The following NEDD9 variants were observed in gnomAD, a reference collection of about 807,000 sequenced individuals.
The protein encoded by NEDD9 is neural precursor cell expressed, developmentally down-regulated 9.
A neutral mutation model predicts 76.6 loss-of-function variants in NEDD9; 26 were observed. The observed-to-expected ratio is 0.34, with a 90% CI of 0.25 to 0.47. NEDD9 has a LOEUF of 0.47. Ranked by LOEUF, NEDD9 falls within the 20% of genes least tolerant of loss-of-function variation. The pLI is 1.00. For missense variants in NEDD9, 937 were observed against 1,058.5 expected, an observed-to-expected ratio of 0.89 and a Z score of 1.59; for synonymous variants, 392 against 414.2, an observed-to-expected ratio of 0.95 and a Z score of 0.65.
intron 1 of NEDD9, among the ~76,000 whole-genome samples, chr6:11,379,308 C>A (rs1763022240): frequency 6.6e-6 from 1 of 152,172 alleles, no homozygotes; most frequent in African/African-American, 2.4e-5. Flanking sequence ...CACTTTTGGG[C>A]CGGGCGCAGT....
intron 1 of NEDD9, among the ~76,000 whole-genome samples, chr6:11,231,766 C>A (rs1017324562): frequency 6.6e-6 from 1 of 152,134 alleles, no homozygotes; most frequent in Non-Finnish European, 1.5e-5. Flanking sequence ...CAAGAAAAAT[C>A]CACAAACAAT....
intron 2 of NEDD9, among the ~76,000 whole-genome samples, chr6:11,203,907 T>C (rs372376842): frequency 6.6e-6 from 1 of 151,340 alleles, no homozygotes; most frequent in Non-Finnish European, 1.5e-5. Context: ...AAAGGAAGAG[T>C]AGGAAAGATT....
At chr6:11,309,413 A>T (rs1468575293) in intron 2 of NEDD9, among the ~76,000 whole-genome samples, 2 of 152,140 alleles carry the variant, frequency 1.3e-5, no homozygotes, top group African/African-American at 4.8e-5. Flanking sequence ...TTGCTGGATG[A>T]TAGGTTTCCC....
At chr6:11,279,513 G>T (rs1760488030) in intron 3 of NEDD9, among the ~76,000 whole-genome samples, 1 of 152,198 alleles carries the variant, frequency 6.6e-6, no homozygotes, top group African/African-American at 2.4e-5. Context: ...GGTTGTTATT[G>T]TTGGTTGTTC....
chr6:11,356,823 C>G (rs184692483), intron 1 of NEDD9, among the ~76,000 whole-genome samples: 1 of 149,078 alleles, frequency 6.7e-6, no homozygotes, highest in Non-Finnish European at 1.5e-5. Flanking sequence ...AATGACGTGA[C>G]CTTTCAACCA....
intron 1 of NEDD9, among the ~76,000 whole-genome samples, chr6:11,371,220 C>T (rs1032611368): frequency 2.0e-5 from 3 of 152,198 alleles, no homozygotes; most frequent in Admixed American, 1.3e-4. Context: ...CCACTGTCGA[C>T]CTCCCTCCAC....
intron 2 of NEDD9, among the ~76,000 whole-genome samples, chr6:11,204,735 A>G (rs1018893833): frequency 1.5e-5 from 2 of 135,336 alleles, no homozygotes; most frequent in South Asian, 2.3e-4. Flanking sequence ...AAAAAAAAAA[A>G]AAGAAAGAAA....
intron 1 of NEDD9, among the ~76,000 whole-genome samples, chr6:11,217,635 A>G (rs1758995174): frequency 6.6e-6 from 1 of 152,050 alleles, no homozygotes; most frequent in South Asian, 2.1e-4. Flanking sequence ...TTTACAAAAG[A>G]AAAAAATGAG....
At position 11,190,117 on chromosome 6, in the gene NEDD9, G is replaced by A. The variant is rs201358869; in HGVS notation, c.1752C>T (p.Ser584=). 6.2e-7 allele frequency: 1 copy of A among 1,612,660 alleles called. No individual in the cohort carries two copies. The highest frequency in any genetic ancestry group is 1.1e-5 in the South Asian group (1 of 90,976). ...CACCAGGATGCAGCAGCTGTCCCTG[G>A]GAGCCACCGTGTGGGTACTCCGTTG... ...MNSTEYPHGG[S]QGQLLHPGDH... is the part of the protein sequence containing the mutation. Residue 584 remains serine (S), a synonymous_variant, in exon 5 of 7, where the codon TCC becomes TCT. Coordinates refer to ENST00000379446, the MANE Select transcript of NEDD9 (RefSeq NM_006403.4). This position sits in a 1 kb window ranked among gnomAD's most constrained non-coding sequence, Gnocchi z 5.8.
At chr6:11,318,570 T>G (rs1299570363) in intron 2 of NEDD9, among the ~76,000 whole-genome samples, 1 of 152,214 alleles carries the variant, frequency 6.6e-6, no homozygotes, top group African/African-American at 2.4e-5. Context: ...TAGCTTGGCT[T>G]GTTTTCTTGT....
At chr6:11,217,857 C>G (rs137964993) in intron 1 of NEDD9, among the ~76,000 whole-genome samples, 2 of 152,356 alleles carry the variant, frequency 1.3e-5, no homozygotes, top group Non-Finnish European at 2.9e-5. Context: ...GCAGCAGCCT[C>G]TAGCCTTGAT....
chr6:11,366,330 AAGAC>A (rs1010259436), intron 1 of NEDD9, among the ~76,000 whole-genome samples: 19 of 149,164 alleles, frequency 1.3e-4, no homozygotes, highest in East Asian at 1.9e-4. Flanking sequence ...AGAAAGGAGA[AAGAC>A]AGAGAGAAAG....
intron 5 of NEDD9, among the ~76,000 whole-genome samples, chr6:11,189,584 T>C (rs1300439030): frequency 6.6e-6 from 1 of 152,126 alleles, no homozygotes; most frequent in Non-Finnish European, 1.5e-5. Flanking sequence ...AAAACACAAA[T>C]AGAAGTGGAG....
chr6:11,329,900 C>A (rs543903963), intron 2 of NEDD9, among the ~76,000 whole-genome samples: 1 of 152,254 alleles, frequency 6.6e-6, no homozygotes, highest in Non-Finnish European at 1.5e-5. Flanking sequence ...GCCTGAGCAA[C>A]CCTGCACTGG....
Position 11,241,039 on chromosome 6 carries a change from A to G in NEDD9, c.13-27312T>C, listed in dbSNP as rs893723595. On this transcript the variant is annotated intron_variant, in intron 3 of 3. Coordinates refer to the NEDD9 transcript ENST00000397378. The surrounding 1 kb of genome is among the most constrained non-coding windows in gnomAD (Gnocchi z 4.0). ...AGTTTGTCCAAATAAACAACTTGTT[A>G]TATGAAACTGTCATGGAAATCTTTT... 6.6e-6 allele frequency among the ~76,000 whole-genome samples: 1 copy of G among 152,252 alleles called. No homozygotes were observed. Among genetic ancestry groups the G allele is most frequent in the Admixed American group, 6.5e-5 (1 of 15,284 alleles).
intron 2 of NEDD9, chr6:11,207,599 T>C (rs1758650344): frequency 6.6e-6 from 1 of 152,230 alleles, no homozygotes; most frequent in Non-Finnish European, 1.5e-5. Context: ...TACTTCAGTT[T>C]TCCAAGTGCC....
chr6:11,192,234 C>T, intron 4 of NEDD9, 111 bp downstream of exon 4: 1 of 652,048 alleles, frequency 1.5e-6, no homozygotes, highest in Non-Finnish European at 2.5e-6. Flanking sequence ...TTGGGTTTGC[C>T]TTTCTTGTTT....
At chr6:11,195,461 T>G (rs1758268796) in intron 2 of NEDD9, among the ~76,000 whole-genome samples, 1 of 151,066 alleles carries the variant, frequency 6.6e-6, no homozygotes, top group Admixed American at 6.6e-5. Flanking sequence ...TATGATTGTT[T>G]TTTTTTTTTT....
chr6:11,257,810 T>TGTGTGTGTGTGTGTGTGTGC lies in NEDD9; in HGVS notation c.13-44084_13-44083insGCACACACACACACACACAC, dbSNP rs1340885962. On this transcript the variant is annotated intron_variant, in intron 3 of 3. Coordinates refer to the NEDD9 transcript ENST00000397378. ...GTGTGTGTGTGTGTGTGTGTGTGTG[T>TGTGTGTGTGTGTGTGTGTGC]GCAGTACGGCATCAAAGGTTATCTT... Among the ~76,000 whole-genome samples the TGTGTGTGTGTGTGTGTGTGC allele has an allele frequency of 4.7e-3, 718 of 151,356 alleles. 4 individuals are homozygous for TGTGTGTGTGTGTGTGTGTGC. The highest frequency in any genetic ancestry group is 0.017 in the African/African-American group (689 of 40,992).
Sources: gnomAD v4.1 joint callset for allele counts (sites outside exome capture counted in the v4.1 genomes callset) on GRCh38, gnomAD v4.1.1 for gene constraint, Gnocchi (gnomAD v3.1) non-coding constraint, MANE v1.5 for transcripts, NCBI Gene and HGNC (gene_info 2026-07-23, HGNC 2026-07-21) for gene names.